Variants in CYB5R3 observed in about 807,000 individuals in gnomAD.
CYB5R3 encodes cytochrome b5 reductase 3, also known as NADH-cytochrome b5 reductase 3.
A neutral mutation model predicts 36.5 loss-of-function variants in CYB5R3; 28 were observed. The ratio of observed to expected loss-of-function variants is 0.77; its 90% CI spans 0.57 to 1.05. The LOEUF (loss-of-function observed/expected upper bound fraction) is 1.05. Ranked by LOEUF, CYB5R3 falls within the 50% of genes least tolerant of loss-of-function variation. CYB5R3 has a pLI of 0.00. For missense variants in CYB5R3, 474 were observed against 408.9 expected (o/e 1.16, Z -1.37); for synonymous variants, 181 against 159.8 (o/e 1.13, Z -1.00).
At chr22:42,637,754 C>T (rs952442321) in intron 1 of CYB5R3, among the ~76,000 whole-genome samples, 1 of 152,204 alleles carries the variant, frequency 6.6e-6, no homozygotes, top group African/African-American at 2.4e-5. Flanking sequence ...CTGTCATCAC[C>T]ACCATTTCGC....
intron 7 of CYB5R3, among the ~76,000 whole-genome samples, chr22:42,625,488 A>G (rs1029636606): frequency 6.6e-6 from 1 of 152,124 alleles, no homozygotes; most frequent in Non-Finnish European, 1.5e-5. Context: ...CAGCCTGGGC[A>G]ATAAGAGTGA....
chr22:42,647,342 C>A (rs1011052509), intron 1 of CYB5R3, among the ~76,000 whole-genome samples: 3 of 152,174 alleles, frequency 2.0e-5, no homozygotes, highest in Non-Finnish European at 4.4e-5. Context: ...AGGCCAAGAA[C>A]GGCGTTCACA....
chr22:42,620,351 G>GT (rs1927898949), intron 8 of CYB5R3, among the ~76,000 whole-genome samples: 1 of 152,110 alleles, frequency 6.6e-6, no homozygotes, highest in Admixed American at 6.6e-5. Flanking sequence ...CGACTGAGAT[G>GT]TACCTTCCAG....
At chr22:42,642,258 C>T (rs1405250131) in intron 1 of CYB5R3, among the ~76,000 whole-genome samples, 3 of 151,868 alleles carry the variant, frequency 2.0e-5, no homozygotes, top group Non-Finnish European at 2.9e-5. Flanking sequence ...GCTACAGGCA[C>T]GTACCACCAG....
intron 4 of CYB5R3, 74 bp downstream of exon 4, chr22:42,630,808 C>T (rs1009973940): frequency 8.5e-6 from 11 of 1,300,536 alleles, no homozygotes; most frequent in Non-Finnish European, 9.8e-6. Context: ...CTTCCCTGTC[C>T]AGGGGGTCCA....
intron 3 of CYB5R3, 56 bp from the exon 4 acceptor site, chr22:42,631,044 G>T: frequency 6.6e-7 from 1 of 1,505,592 alleles, no homozygotes; most frequent in Non-Finnish European, 9.2e-7. Flanking sequence ...GGTGACCCCT[G>T]GGTCTTGTCA....
At chr22:42,631,997 C>T (rs1445580312) in intron 2 of CYB5R3, 1 of 158,522 alleles carries the variant, frequency 6.3e-6, no homozygotes, top group African/African-American at 2.4e-5. Flanking sequence ...CCAGGAACTC[C>T]AAGAGCCCAA....
At position 42,636,863 on chromosome 22, in the gene CYB5R3, C is replaced by T. The variant is rs764885447; in HGVS notation, c.22-17G>A. On this transcript the variant is annotated splice_polypyrimidine_tract_variant and intron_variant, in intron 1 of 8. Coordinates refer to ENST00000352397, the MANE Select transcript of CYB5R3 (RefSeq NM_000398.7). ...ATGGCCCAACTGAAACGACAGGACC[C>T]GCGGGGTCAGTGCAGGAGCCTGCCT... 3.1e-6 allele frequency: 5 copies of T among 1,612,248 alleles called. No individual in the cohort carries two copies. The highest frequency in any genetic ancestry group is 2.2e-5 in the South Asian group (2 of 90,980).
At chr22:42,647,338 A>G (rs1929582011) in intron 1 of CYB5R3, among the ~76,000 whole-genome samples, 1 of 152,214 alleles carries the variant, frequency 6.6e-6, no homozygotes, top group Non-Finnish European at 1.5e-5. Flanking sequence ...AATGAGGCCA[A>G]GAACGGCGTT....
intron 1 of CYB5R3, among the ~76,000 whole-genome samples, chr22:42,649,028 G>GC (rs933564497): frequency 3.9e-5 from 6 of 152,184 alleles, no homozygotes; most frequent in Non-Finnish European, 5.9e-5. Context: ...GGGCCCAGGT[G>GC]CCCCCGGGTG....
At chr22:42,640,252 A>G in intron 1 of CYB5R3, 1 of 1,572,848 alleles carries the variant, frequency 6.4e-7, no homozygotes, top group East Asian at 2.4e-5. Flanking sequence ...CTTCTCCACA[A>G]GGTTACGGAC....
chr22:42,640,350 CTTATTTATTTAT>C (rs76854423), intron 1 of CYB5R3: 5,733 of 474,106 alleles, frequency 0.012, 152 homozygotes, highest in African/African-American at 0.073. Context: ...GCGTGGTTCA[CTTATTTATTTAT>C]TTATTTATTT....
chr22:42,629,171 A>T (rs1018512766), intron 4 of CYB5R3, among the ~76,000 whole-genome samples: 1 of 152,082 alleles, frequency 6.6e-6, no homozygotes, highest in Non-Finnish European at 1.5e-5. Flanking sequence ...CAGATGCTTG[A>T]GCCCTCATCA....
intron 2 of CYB5R3, chr22:42,632,732 A>G (rs1342587757): frequency 6.6e-6 from 1 of 152,324 alleles, no homozygotes; most frequent in East Asian, 1.9e-4. Context: ...TGGAGGAAGA[A>G]TAGAAATGAG....
At chr22:42,637,483 A>AT (rs1928958296) in intron 1 of CYB5R3, among the ~76,000 whole-genome samples, 1 of 152,126 alleles carries the variant, frequency 6.6e-6, no homozygotes, top group African/African-American at 2.4e-5. Flanking sequence ...AATGACATCC[A>AT]TGAGTGTCCC....
Position 42,637,550 on chromosome 22 carries a change from C to T in CYB5R3, c.22-704G>A, listed in dbSNP as rs774798246. 5.1e-4 allele frequency among the ~76,000 whole-genome samples: 77 copies of T among 152,288 alleles called. 1 individual carries two copies. Among genetic ancestry groups the T allele is most frequent in the Non-Finnish European group, 9.1e-4 (62 of 68,026 alleles). ...GGGAAGCGAAGCACTGAGCCAGGCA[C>T]TGGGAAGGTCACTGGCTGTGTGACC... On this transcript the variant is annotated intron_variant, in intron 1 of 8. Transcript: ENST00000352397.
intron 2 of CYB5R3, 67 bp downstream of exon 2, chr22:42,636,648 T>C (rs1331842732): frequency 3.1e-6 from 5 of 1,589,164 alleles, no homozygotes; most frequent in Admixed American, 1.7e-5. Context: ...GACCATGCCC[T>C]GAGCACAGAG....
At chr22:42,634,005 A>G (rs143120936) in intron 2 of CYB5R3, among the ~76,000 whole-genome samples, 593 of 152,312 alleles carry the variant, frequency 3.9e-3, no homozygotes, top group Non-Finnish European at 5.6e-3. Context: ...TCAAAATGTT[A>G]TTATTTCATT....
At chr22:42,641,542 G>GT (rs1185749619) in intron 1 of CYB5R3, among the ~76,000 whole-genome samples, 3 of 152,130 alleles carry the variant, frequency 2.0e-5, no homozygotes, top group African/African-American at 7.2e-5. Context: ...CTGGAGTGCA[G>GT]TGGTGAGATC....
Sources: gnomAD v4.1 joint callset for allele counts (sites outside exome capture counted in the v4.1 genomes callset) on GRCh38, gnomAD v4.1.1 for gene constraint, MANE v1.5 for transcripts, NCBI Gene and HGNC (gene_info 2026-07-23, HGNC 2026-07-21) for gene names.